Variants in TMEM114 observed in about 807,000 individuals in gnomAD.
TMEM114 encodes transmembrane protein 114.
TMEM114 carries 6 observed loss-of-function variants against 6.2 expected under a neutral mutation model. The ratio of observed to expected loss-of-function variants is 0.97; its 90% CI spans 0.53 to 1.91. The LOEUF is 1.91. Among genes scored for constraint, TMEM114 ranks in the 40% most tolerant of loss-of-function variants. The probability of loss-of-function intolerance (pLI) is 0.01; values close to 1 mark genes in which losing one functional copy is unlikely to be tolerated. For synonymous variants in TMEM114, 104 were observed against 73.0 expected (o/e 1.42, Z -2.16); for missense variants, 218 against 158.3 (o/e 1.38, Z -2.02).
the TMEM114 span, among the ~76,000 whole-genome samples, chr16:8,532,548 T>G: frequency 6.6e-6 from 1 of 152,076 alleles, no homozygotes. Flanking sequence ...ATTCTAGGGG[T>G]CCATTAAAGA....
At chr16:8,558,065 C>T (rs8053071) in intron 2 of TMEM114, among the ~76,000 whole-genome samples, 56,231 of 151,566 alleles carry the variant, frequency 0.37, 11,031 homozygotes, top group East Asian at 0.52. Context: ...ACCAGCTTGA[C>T]CAACATGGTG....
chr16:8,555,766 G>A (rs866169396), intron 2 of TMEM114, among the ~76,000 whole-genome samples: 1 of 152,190 alleles, frequency 6.6e-6, no homozygotes, highest in African/African-American at 2.4e-5. Flanking sequence ...AATTGCAAAG[G>A]GGGGATGCAG....
chr16:8,541,254 G>T (rs542727662), intron 2 of TMEM114, among the ~76,000 whole-genome samples: 1 of 152,152 alleles, frequency 6.6e-6, no homozygotes, highest in African/African-American at 2.4e-5. Context: ...TACCAAGGAC[G>T]TGAACCACTT....
chr16:8,564,709 A>G (rs868233510), downstream of TMEM114, among the ~76,000 whole-genome samples: 77 of 47,110 alleles, frequency 1.6e-3, no homozygotes, highest in South Asian at 3.1e-3. Flanking sequence ...GAGTGAGTGA[A>G]TGAGTGAGTA....
downstream of TMEM114, among the ~76,000 whole-genome samples, chr16:8,565,134 T>C (rs939764497): frequency 6.6e-6 from 1 of 151,958 alleles, no homozygotes; most frequent in East Asian, 1.9e-4. Flanking sequence ...GGTAAGCAAA[T>C]GGATGGATAA....
intron 2 of TMEM114, among the ~76,000 whole-genome samples, chr16:8,564,291 A>T (rs1172507651): frequency 6.3e-5 from 4 of 63,120 alleles, no homozygotes; most frequent in South Asian, 5.8e-4. Context: ...GTGATGAAAT[A>T]AGTGAATGAG....
chr16:8,564,085 G>GTGCGTCAA (rs1239452956), intron 2 of TMEM114, among the ~76,000 whole-genome samples: 1 of 149,756 alleles, frequency 6.7e-6, no homozygotes, highest in Non-Finnish European at 1.5e-5. Flanking sequence ...GCATGAATGA[G>GTGCGTCAA]TGAGTGAGTG....
the TMEM114 span, among the ~76,000 whole-genome samples, chr16:8,529,858 G>C: frequency 2.6e-5 from 4 of 152,146 alleles, no homozygotes; most frequent in Non-Finnish European, 5.9e-5. Flanking sequence ...GTGCAGCCAA[G>C]GTTGACCACC....
intron 3 of TMEM114, among the ~76,000 whole-genome samples, chr16:8,570,720 G>A (rs886186624): frequency 2.0e-5 from 3 of 152,166 alleles, no homozygotes; most frequent in Non-Finnish European, 4.4e-5. Flanking sequence ...CCCCAGCACC[G>A]AGAACGGTGC....
At position 8,569,919 on chromosome 16, in the gene TMEM114, C is replaced by T; in HGVS notation, c.526G>A (p.Ala176Thr). 6.4e-7 allele frequency: 1 copy of T among 1,551,194 alleles called. No homozygotes were observed. Among genetic ancestry groups the T allele is most frequent in the Non-Finnish European group, 8.7e-7 (1 of 1,146,966 alleles). Reference protein sequence around the residue: ...REALCLLEEKALLDQVDISFG... With the variant: ...REALCLLEEKTLLDQVDISFG... ...CTGATGTCCACCTGGTCCAGGAGGGCCTTCTCCTCCAAGAGACACAGCGCC... is the reference window on the plus strand; with the variant it reads ...CTGATGTCCACCTGGTCCAGGAGGGTCTTCTCCTCCAAGAGACACAGCGCC... Residue 176 changes from alanine to threonine, a missense_variant, in exon 4 of 4, where the codon GCC (alanine) becomes ACC (threonine). By Grantham distance (58) the Ala-to-Thr change is moderately conservative. Transcript: ENST00000620492.
the TMEM114 span, among the ~76,000 whole-genome samples, chr16:8,530,571 CAGAG>C: frequency 6.1e-4 from 92 of 150,304 alleles, 2 homozygotes; most frequent in Middle Eastern, 3.4e-3. Flanking sequence ...GCGAGGGAGA[CAGAG>C]AGGAGAGAAA....
downstream of TMEM114, among the ~76,000 whole-genome samples, chr16:8,535,003 C>G (rs1172877556): frequency 6.6e-6 from 1 of 152,184 alleles, no homozygotes; most frequent in African/African-American, 2.4e-5. Context: ...TGACTTTCTC[C>G]TAACGTCAAG....
intron 2 of TMEM114, among the ~76,000 whole-genome samples, chr16:8,573,603 A>G (rs1267517864): frequency 1.3e-5 from 2 of 152,158 alleles, no homozygotes; most frequent in African/African-American, 2.4e-5. Flanking sequence ...TTCATTTACC[A>G]AATGTGTATT....
At chr16:8,582,479 C>G (rs1902184497) in intron 2 of TMEM114, among the ~76,000 whole-genome samples, 1 of 152,204 alleles carries the variant, frequency 6.6e-6, no homozygotes, top group Non-Finnish European at 1.5e-5. Flanking sequence ...TAGCAGGACT[C>G]TGAACCCCAG....
downstream of TMEM114, among the ~76,000 whole-genome samples, chr16:8,565,614 C>T (rs1478739070): frequency 6.6e-6 from 1 of 152,188 alleles, no homozygotes; most frequent in African/African-American, 2.4e-5. Context: ...ACACCTCCAC[C>T]TGCTCCGAGT....
At chr16:8,531,415 G>A in the TMEM114 span, among the ~76,000 whole-genome samples, 1 of 152,176 alleles carries the variant, frequency 6.6e-6, no homozygotes, top group African/African-American at 2.4e-5. Context: ...AAGTGTTTCA[G>A]CTGGGAAATC....
chr16:8,529,495 G>A, the TMEM114 span, among the ~76,000 whole-genome samples: 2 of 152,142 alleles, frequency 1.3e-5, no homozygotes, highest in African/African-American at 2.4e-5. Flanking sequence ...GTGTTTCTAC[G>A]ACTGTGGTCC....
At chr16:8,585,022 G>A (rs573493521) in intron 2 of TMEM114, among the ~76,000 whole-genome samples, 77 of 152,140 alleles carry the variant, frequency 5.1e-4, no homozygotes, top group Admixed American at 1.1e-3. Context: ...AGGTTTAATG[G>A]ACTCACAGTT....
chr16:8,569,401 C>G (rs1901645863), downstream of TMEM114: 2 of 1,050,660 alleles, frequency 1.9e-6, no homozygotes, highest in East Asian at 7.5e-5. Flanking sequence ...CACCCTCTCC[C>G]TTTCCCAGAC....
Sources: gnomAD v4.1 joint callset for allele counts (sites outside exome capture counted in the v4.1 genomes callset) on GRCh38, gnomAD v4.1.1 for gene constraint, MANE v1.5 for transcripts, NCBI Gene and HGNC (gene_info 2026-07-23, HGNC 2026-07-21) for gene names.